Variants in CHODL observed in about 807,000 individuals in gnomAD.
CHODL encodes chondrolectin, also known as transmembrane protein MT75.
In CHODL, 29 loss-of-function variants were observed where a neutral mutation model predicts 34.5. The ratio of observed to expected loss-of-function variants is 0.84; its 90% CI spans 0.63 to 1.15. The LOEUF (loss-of-function observed/expected upper bound fraction) is 1.15, where lower values mean the gene tolerates loss of function less well. Ranked by LOEUF, CHODL falls within the 50% of genes most tolerant of loss-of-function variation. The pLI, the probability that CHODL is intolerant of heterozygous loss-of-function variation, is 0.00. For synonymous variants in CHODL, 125 were observed against 116.1 expected (o/e 1.08, Z -0.49); for missense variants, 332 against 332.5 (o/e 1.00, Z 0.01).
At chr21:18,077,177 C>T (rs2064876865) in intron 2 of CHODL, among the ~76,000 whole-genome samples, 1 of 152,144 alleles carries the variant, frequency 6.6e-6, no homozygotes, top group African/African-American at 2.4e-5. Context: ...ATCTGTCACT[C>T]ATTTCTTCTT....
chr21:18,221,920 G>A (rs2073887943), intron 2 of CHODL, among the ~76,000 whole-genome samples: 1 of 152,190 alleles, frequency 6.6e-6, no homozygotes, highest in Non-Finnish European at 1.5e-5. Context: ...AATGAATGGT[G>A]GGTCTATCCT....
chr21:17,962,361 A>G (rs1264072404), intron 1 of CHODL, among the ~76,000 whole-genome samples: 1 of 152,198 alleles, frequency 6.6e-6, no homozygotes, highest in Non-Finnish European at 1.5e-5. Flanking sequence ...ATTGTGCTAG[A>G]TGAGAGGTCA....
chr21:18,246,295 A>G (rs2074140851), intron 1 of CHODL, among the ~76,000 whole-genome samples: 1 of 152,174 alleles, frequency 6.6e-6, no homozygotes, highest in South Asian at 2.1e-4. Context: ...GTTTTTTTAA[A>G]ACATAAAAAG....
At chr21:18,126,412 T>A (rs2065544989) in intron 2 of CHODL, among the ~76,000 whole-genome samples, 2 of 152,208 alleles carry the variant, frequency 1.3e-5, no homozygotes, top group Non-Finnish European at 2.9e-5. Context: ...AACAAAAAAA[T>A]TGTGCAACTT....
In CHODL at chr21:18,129,269, ATT is replaced by A. The variant is rs58317594; in HGVS notation, c.-45+101309_-45+101310del. 3.1e-4 allele frequency among the ~76,000 whole-genome samples: 47 copies of A among 149,968 alleles called. 4 individuals carry two copies. The highest frequency in any genetic ancestry group is 3.4e-3 in the Middle Eastern group (1 of 290). On this transcript the variant is annotated intron_variant, in intron 2 of 6. Transcript: ENST00000400127. The stretch of plus-strand genomic sequence containing the variant: ...TCACCACAAACTTGACAAAGAAGAG[ATT>A]TTTTTTTTTTAACCATTTACCATTA...
At chr21:18,098,976 G>A (rs944028154) in intron 2 of CHODL, among the ~76,000 whole-genome samples, 2 of 152,000 alleles carry the variant, frequency 1.3e-5, no homozygotes, top group South Asian at 4.1e-4. Flanking sequence ...AGTCAGGCAT[G>A]GAAAGACAAA....
At chr21:18,096,425 C>T (rs150292863) in intron 2 of CHODL, among the ~76,000 whole-genome samples, 4 of 152,070 alleles carry the variant, frequency 2.6e-5, no homozygotes, top group South Asian at 2.1e-4. Context: ...TTGCAGAAAG[C>T]GAATAGGAGA....
chr21:18,069,965 TTTTC>T (rs2064776643), intron 2 of CHODL, among the ~76,000 whole-genome samples: 1 of 144,454 alleles, frequency 6.9e-6, no homozygotes, highest in Non-Finnish European at 1.5e-5. Context: ...CTTCCCTTCC[TTTTC>T]TTTCCCTCCT....
At chr21:18,085,055 TTTTTA>T (rs1346442679) in intron 2 of CHODL, among the ~76,000 whole-genome samples, 1 of 152,030 alleles carries the variant, frequency 6.6e-6, no homozygotes, top group African/African-American at 2.4e-5. Context: ...ATGATCTTCT[TTTTTA>T]TTTTTTTAAT....
intron 2 of CHODL, among the ~76,000 whole-genome samples, chr21:18,043,181 A>G (rs12329719): frequency 0.05 from 7,663 of 152,036 alleles, 613 homozygotes; most frequent in African/African-American, 0.17. Flanking sequence ...GGCCTAGAAT[A>G]CCAGAAAACT....
At chr21:18,154,360 A>G (rs1019296539) in intron 2 of CHODL, among the ~76,000 whole-genome samples, 1 of 152,172 alleles carries the variant, frequency 6.6e-6, no homozygotes, top group African/African-American at 2.4e-5. Flanking sequence ...TGACACCAGG[A>G]TTAGTTTGCA....
intron 2 of CHODL, among the ~76,000 whole-genome samples, chr21:18,094,819 A>C (rs2065119132): frequency 6.6e-6 from 1 of 151,880 alleles, no homozygotes. Flanking sequence ...CCAAACACAA[A>C]ATTAGTAACA....
At chr21:18,096,807 C>T (rs551311096) in intron 2 of CHODL, among the ~76,000 whole-genome samples, 10 of 152,058 alleles carry the variant, frequency 6.6e-5, no homozygotes, top group Non-Finnish European at 1.3e-4. Flanking sequence ...ATCTCTGTGA[C>T]CCACTCTCTA....
In CHODL at chr21:18,262,940, G is replaced by A. The variant is rs769346309; in HGVS notation, c.737+47G>A. ...AGACAATTTGAAAAACTTTAAATAGGTTTTCAGAAATGTTTTAAAACTATT... is the reference window on the plus strand; with the variant it reads ...AGACAATTTGAAAAACTTTAAATAGATTTTCAGAAATGTTTTAAAACTATT... On this transcript the variant is annotated intron_variant, in intron 5 of 5. Coordinates refer to ENST00000299295, the MANE Select transcript of CHODL (RefSeq NM_024944.3). 9 of 1,056,618 alleles carry A rather than the reference G, an allele frequency of 8.5e-6. No homozygotes were observed. In the East Asian group the frequency reaches 1.9e-4, roughly 22 times the overall value. The allele number at this position is 1,056,618 out of a possible 1,614,324, so 65.5% of individuals were successfully genotyped here.
At chr21:18,022,994 C>T (rs1002710441) in intron 1 of CHODL, among the ~76,000 whole-genome samples, 3 of 152,138 alleles carry the variant, frequency 2.0e-5, no homozygotes, top group African/African-American at 7.2e-5. Context: ...ACATGTTAAG[C>T]TGGTAACGGC....
intron 2 of CHODL, among the ~76,000 whole-genome samples, chr21:18,071,959 G>A (rs1193136215): frequency 1.3e-5 from 2 of 151,956 alleles, no homozygotes; most frequent in African/African-American, 2.4e-5. Flanking sequence ...AGTTCTTTCA[G>A]TTCTTTTATA....
intron 2 of CHODL, among the ~76,000 whole-genome samples, chr21:18,145,423 G>C (rs1165135045): frequency 8.6e-6 from 1 of 116,392 alleles, no homozygotes; most frequent in Non-Finnish European, 1.6e-5. Context: ...GGGGACGAGT[G>C]AGACTACCTT....
intron 2 of CHODL, among the ~76,000 whole-genome samples, chr21:18,124,166 G>A (rs1041252218): frequency 7.2e-5 from 11 of 152,200 alleles, no homozygotes; most frequent in Admixed American, 4.6e-4. Flanking sequence ...GGCATGTGAC[G>A]TTCTGTTCCT....
chr21:18,010,549 T>C (rs2064009857), intron 1 of CHODL, among the ~76,000 whole-genome samples: 1 of 152,194 alleles, frequency 6.6e-6, no homozygotes, highest in Non-Finnish European at 1.5e-5. Context: ...TTCTACATCC[T>C]CTTTTACAAA....
Sources: gnomAD v4.1 joint callset for allele counts (sites outside exome capture counted in the v4.1 genomes callset) on GRCh38, gnomAD v4.1.1 for gene constraint, MANE v1.5 for transcripts, NCBI Gene and HGNC (gene_info 2026-07-23, HGNC 2026-07-21) for gene names.